The following GAS2 variants were observed in gnomAD, a reference collection of about 807,000 sequenced individuals.
GAS2 encodes growth arrest-specific protein 2.
In GAS2, 20 loss-of-function variants were observed where a neutral mutation model predicts 37.5. The observed-to-expected ratio is 0.53, with a 90% CI of 0.37 to 0.77. GAS2 has a LOEUF of 0.77. Ranked by LOEUF, GAS2 falls within the 30% of genes least tolerant of loss-of-function variation. GAS2 has a pLI of 0.00. For synonymous variants in GAS2, 144 were observed against 132.2 expected, an observed-to-expected ratio of 1.09 and a Z score of -0.61; for missense variants, 336 against 373.4, an observed-to-expected ratio of 0.90 and a Z score of 0.82.
chr11:22,763,281 A>G (rs1854494584), intron 7 of GAS2, among the ~76,000 whole-genome samples: 1 of 152,112 alleles, frequency 6.6e-6, no homozygotes, highest in Non-Finnish European at 1.5e-5. Context: ...TCTGAAACAA[A>G]CCAAGCAAGA....
At chr11:22,687,982 A>G (rs955954246) in intron 3 of GAS2, among the ~76,000 whole-genome samples, 3 of 152,224 alleles carry the variant, frequency 2.0e-5, no homozygotes, top group African/African-American at 7.2e-5. Flanking sequence ...GCTGTTGTGC[A>G]GTTCTGGTTT....
chr11:22,810,291 G>A (rs1857090125), intron 7 of GAS2, among the ~76,000 whole-genome samples: 1 of 152,212 alleles, frequency 6.6e-6, no homozygotes, highest in Admixed American at 6.5e-5. Context: ...CACAACAGAT[G>A]AGGGGTCTCA....
At chr11:22,659,847 AAG>A (rs1848896180) in intron 1 of GAS2, among the ~76,000 whole-genome samples, 1 of 147,734 alleles carries the variant, frequency 6.8e-6, no homozygotes, top group Admixed American at 6.7e-5. Context: ...AAGGAAGGAA[AAG>A]AGAGAAGAGA....
intron 1 of GAS2, among the ~76,000 whole-genome samples, chr11:22,647,344 C>G (rs1207538600): frequency 1.3e-5 from 2 of 152,124 alleles, no homozygotes; most frequent in Non-Finnish European, 2.9e-5. Flanking sequence ...TGGGTTGGTT[C>G]TAAGTCTTTG....
intron 1 of GAS2, among the ~76,000 whole-genome samples, chr11:22,632,705 C>A (rs1375137730): frequency 6.6e-6 from 1 of 151,834 alleles, no homozygotes; most frequent in Non-Finnish European, 1.5e-5. Flanking sequence ...TTAGGTTGGC[C>A]CTTTTACATA....
intron 7 of GAS2, among the ~76,000 whole-genome samples, chr11:22,807,129 C>T (rs371901225): frequency 3.3e-5 from 5 of 152,130 alleles, no homozygotes; most frequent in South Asian, 4.2e-4. Flanking sequence ...AAAGAAAAAA[C>T]GACTCCTTCA....
intron 3 of GAS2, among the ~76,000 whole-genome samples, chr11:22,714,266 A>T (rs565373467): frequency 3.9e-5 from 6 of 152,336 alleles, no homozygotes; most frequent in Non-Finnish European, 8.8e-5. Flanking sequence ...AAAAACAGTT[A>T]AAAAAGATAA....
chr11:22,683,897 T>G (rs1849817889), intron 2 of GAS2, among the ~76,000 whole-genome samples: 1 of 152,156 alleles, frequency 6.6e-6, no homozygotes. Flanking sequence ...AGACAAACAC[T>G]GCATACAAAA....
intron 1 of GAS2, chr11:22,672,612 T>C (rs1849249709): frequency 6.6e-6 from 1 of 152,176 alleles, no homozygotes; most frequent in Non-Finnish European, 1.5e-5. Context: ...AACAGCCACA[T>C]CTCACTTTCA....
intron 1 of GAS2, among the ~76,000 whole-genome samples, chr11:22,627,039 C>T (rs897033996): frequency 2.6e-5 from 4 of 152,180 alleles, no homozygotes; most frequent in Non-Finnish European, 5.9e-5. Context: ...GTGATCCTCC[C>T]GCCTCGGCCT....
intron 3 of GAS2, among the ~76,000 whole-genome samples, chr11:22,695,718 A>G (rs896501352): frequency 6.6e-6 from 1 of 152,224 alleles, no homozygotes; most frequent in African/African-American, 2.4e-5. Context: ...CAAATGAAAG[A>G]AAGTTGGTAG....
intron 5 of GAS2, among the ~76,000 whole-genome samples, chr11:22,742,536 G>A (rs890536295): frequency 2.6e-5 from 4 of 152,116 alleles, no homozygotes; most frequent in Non-Finnish European, 5.9e-5. Context: ...TCGTATTTAA[G>A]TATGCATTTC....
intron 1 of GAS2, among the ~76,000 whole-genome samples, chr11:22,647,332 C>T (rs1038741745): frequency 5.9e-5 from 9 of 151,992 alleles, no homozygotes; most frequent in African/African-American, 2.2e-4. Flanking sequence ...TTGTTGGACA[C>T]TTGGGTTGGT....
chr11:22,688,662 A>G (rs774302445), intron 3 of GAS2, among the ~76,000 whole-genome samples: 1 of 152,218 alleles, frequency 6.6e-6, no homozygotes, highest in African/African-American at 2.4e-5. Flanking sequence ...GTAAAACTGC[A>G]GCAAGTTATT....
chr11:22,635,786 G>A (rs191610311), intron 1 of GAS2, among the ~76,000 whole-genome samples: 23 of 152,338 alleles, frequency 1.5e-4, no homozygotes, highest in African/African-American at 4.8e-4. Flanking sequence ...TCTGTCCCCG[G>A]TGGAGTCTGG....
In GAS2 at chr11:22,811,783, A is replaced by G. The variant is rs1857183930; in HGVS notation, c.724-15A>G. 6.2e-7 allele frequency: 1 copy of G among 1,612,130 alleles called. No homozygotes were observed. The highest frequency in any genetic ancestry group is 8.5e-7 in the Non-Finnish European group (1 of 1,178,330). On this transcript the variant is annotated splice_polypyrimidine_tract_variant and intron_variant, in intron 7 of 7. Transcript: ENST00000454584. Reference sequence around the variant, plus strand: ...ATTCTCGGAATTTAACACTTTTGATATTTTTTCATTTCAGATGCTGCACAA... The same window carrying G: ...ATTCTCGGAATTTAACACTTTTGATGTTTTTTCATTTCAGATGCTGCACAA...
intron 3 of GAS2, among the ~76,000 whole-genome samples, chr11:22,696,658 C>A (rs1459572204): frequency 0.01 from 1,518 of 151,170 alleles, 29 homozygotes; most frequent in African/African-American, 0.035. Flanking sequence ...GATGGTATCT[C>A]ATTGTGGTTT....
At chr11:22,750,334 CTT>C (rs1198101148) in intron 6 of GAS2, among the ~76,000 whole-genome samples, 1 of 152,064 alleles carries the variant, frequency 6.6e-6, no homozygotes, top group Non-Finnish European at 1.5e-5. Context: ...ATTTCTCTGA[CTT>C]TTGCTTTTCT....
At chr11:22,739,246 A>G (rs1162541847) in intron 5 of GAS2, among the ~76,000 whole-genome samples, 4 of 152,176 alleles carry the variant, frequency 2.6e-5, no homozygotes, top group Non-Finnish European at 5.9e-5. Context: ...CCTTAAGTCA[A>G]GTGAAAACCA....
Sources: gnomAD v4.1 joint callset for allele counts (sites outside exome capture counted in the v4.1 genomes callset) on GRCh38, gnomAD v4.1.1 for gene constraint, MANE v1.5 for transcripts, NCBI Gene and HGNC (gene_info 2026-07-23, HGNC 2026-07-21) for gene names.